The following SLCO5A1 variants were observed in gnomAD, a reference collection of about 807,000 sequenced individuals.
The protein encoded by SLCO5A1 is organic anion transporter polypeptide-related protein 4.
Under a neutral mutation model 65.1 loss-of-function variants are expected in SLCO5A1, and 39 were observed. The ratio of observed to expected loss-of-function variants is 0.60; its 90% CI spans 0.46 to 0.78. The LOEUF is 0.78. SLCO5A1 is among the 30% of genes least tolerant of loss of function. The pLI is 0.00. For missense variants in SLCO5A1, 1,029 were observed against 1,069.4 expected (o/e 0.96, Z 0.53); for synonymous variants, 438 against 415.7 (o/e 1.05, Z -0.65).
intron 2 of SLCO5A1, among the ~76,000 whole-genome samples, chr8:69,815,974 G>T (rs2130915280): frequency 6.6e-6 from 1 of 152,202 alleles, no homozygotes; most frequent in African/African-American, 2.4e-5. Flanking sequence ...CCTATCCCTT[G>T]CTTGTTAGAA....
chr8:69,679,860 A>T (rs766309700), intron 7 of SLCO5A1, among the ~76,000 whole-genome samples: 20 of 152,230 alleles, frequency 1.3e-4, no homozygotes, highest in Non-Finnish European at 2.6e-4. Flanking sequence ...GAAGCTTTCA[A>T]CATTCAATAC....
intron 2 of SLCO5A1, among the ~76,000 whole-genome samples, chr8:69,826,581 A>T (rs2130925724): frequency 6.6e-6 from 1 of 152,166 alleles, no homozygotes; most frequent in East Asian, 1.9e-4. Flanking sequence ...CCACAATGAG[A>T]TACCATCTCA....
At chr8:69,740,028 G>A (rs1334502705) in intron 4 of SLCO5A1, among the ~76,000 whole-genome samples, 5 of 152,118 alleles carry the variant, frequency 3.3e-5, no homozygotes, top group Admixed American at 3.3e-4. Context: ...TATATTGAAC[G>A]GGTTTTTCTT....
rs143109696 is a variant in SLCO5A1 at position 69,710,348 on chromosome 8, T to C, written c.1424-5119A>G. ...ATGGCCCTTTTACAGATGAGGAGAC[T>C]GAAGGCTCAGGGAAGTGGCCTGCTC... On this transcript the variant is annotated intron_variant, in intron 5 of 9. Transcript: ENST00000260126. 1.2e-3 allele frequency among the ~76,000 whole-genome samples: 187 copies of C among 152,168 alleles called. 1 individual carries two copies. Among genetic ancestry groups the C allele is most frequent in the African/African-American group, 4.4e-3 (181 of 41,514 alleles).
intron 2 of SLCO5A1, chr8:69,794,704 G>A (rs761372700): frequency 1.7e-5 from 5 of 299,630 alleles, no homozygotes; most frequent in South Asian, 3.4e-5. Flanking sequence ...GGTGCAGACT[G>A]CAGCCATACT....
In SLCO5A1 at chr8:69,709,288, G is replaced by A. The variant is rs74546214; in HGVS notation, c.1424-4059C>T. ...TACTGAGGAAAATAAACTAAAAAGG[G>A]AATGAATGGTTGAATGTGGAGGGGA... On this transcript the variant is annotated intron_variant, in intron 5 of 9. Transcript: ENST00000260126. Among the ~76,000 whole-genome samples, 588 of 152,282 alleles carry A rather than the reference G, an allele frequency of 3.9e-3. 4 individuals carry two copies. The highest frequency in any genetic ancestry group is 6.3e-3 in the Non-Finnish European group (429 of 68,020).
rs532251804 is a variant in SLCO5A1 at position 69,785,590 on chromosome 8, T to C, written c.908-23715A>G. On this transcript the variant is annotated intron_variant, in intron 2 of 9. Transcript: ENST00000260126. ...TATCTGAAATATAAGTTTAGTTAGT[T>C]TGCACTTTGAAGAAGCTGTCTGATC... 2.0e-5 allele frequency among the ~76,000 whole-genome samples: 3 copies of C among 152,326 alleles called. No homozygotes were observed. The South Asian group carries it at 6.2e-4, about 32-fold the overall frequency.
chr8:69,747,560 T>C (rs1817095488), intron 4 of SLCO5A1, among the ~76,000 whole-genome samples: 1 of 152,200 alleles, frequency 6.6e-6, no homozygotes, highest in Admixed American at 6.5e-5. Flanking sequence ...CAAGAGATGA[T>C]TTAAAGTATA....
At chr8:69,808,441 A>AGTTT (rs1820097937) in intron 2 of SLCO5A1, among the ~76,000 whole-genome samples, 1 of 152,114 alleles carries the variant, frequency 6.6e-6, no homozygotes, top group Non-Finnish European at 1.5e-5. Context: ...ATCCTGTGTT[A>AGTTT]GTTTGCTAAG....
At chr8:69,829,905 C>T (rs907366271) in intron 2 of SLCO5A1, among the ~76,000 whole-genome samples, 1 of 152,214 alleles carries the variant, frequency 6.6e-6, no homozygotes, top group Non-Finnish European at 1.5e-5. Context: ...TACATATATA[C>T]ACTCACACAC....
intron 2 of SLCO5A1, among the ~76,000 whole-genome samples, chr8:69,809,686 A>G (rs1480207281): frequency 6.6e-6 from 1 of 151,956 alleles, no homozygotes; most frequent in Non-Finnish European, 1.5e-5. Context: ...TATTATTATT[A>G]TGCTATCTTT....
chr8:69,678,582 G>T (rs963605470), intron 8 of SLCO5A1, among the ~76,000 whole-genome samples: 5 of 151,922 alleles, frequency 3.3e-5, no homozygotes, highest in African/African-American at 1.2e-4. Context: ...TTATTTCCAG[G>T]CCTTCTCCCT....
At chr8:69,762,001 C>A (rs1016452563) in intron 2 of SLCO5A1, 126 bp from the exon 3 acceptor site, 11 of 1,161,736 alleles carry the variant, frequency 9.5e-6, no homozygotes, top group African/African-American at 1.6e-5. Flanking sequence ...AAAACGGAGA[C>A]CTTTGGAGAT....
rs932221683 is a variant in SLCO5A1, at chr8:69,669,787, G to A, written c.*3082C>T. 4.7e-5 allele frequency: 7 copies of A among 149,602 alleles called. No homozygotes were observed. Among genetic ancestry groups the A allele is most frequent in the Non-Finnish European group, 8.9e-5 (6 of 67,734 alleles). The allele number at this position is 149,602 out of a possible 1,614,324, so 9.3% of individuals were successfully genotyped here. ...GCTGAGATTAAGCCACTGCACTCCA[G>A]CCTGGGTGACAGAGCAAGACTCTGT... On this transcript the variant is annotated 3_prime_UTR_variant, in exon 10 of 10. Coordinates refer to ENST00000260126, the MANE Select transcript of SLCO5A1 (RefSeq NM_030958.3).
intron 2 of SLCO5A1, among the ~76,000 whole-genome samples, chr8:69,813,898 C>T (rs1820308861): frequency 6.6e-6 from 1 of 152,164 alleles, no homozygotes; most frequent in Admixed American, 6.5e-5. Context: ...TGGTTAGATC[C>T]TCGGCTTTGG....
At chr8:69,693,427 A>G (rs906356302) in intron 6 of SLCO5A1, among the ~76,000 whole-genome samples, 3 of 152,218 alleles carry the variant, frequency 2.0e-5, no homozygotes, top group African/African-American at 7.2e-5. Context: ...GTCAGTCATT[A>G]AGTCTTTTCA....
intron 2 of SLCO5A1, among the ~76,000 whole-genome samples, chr8:69,791,392 C>G (rs1819260292): frequency 6.6e-6 from 1 of 152,146 alleles, no homozygotes; most frequent in Non-Finnish European, 1.5e-5. Context: ...ACTGTAAATC[C>G]AAGACATGGA....
rs1586662083 is a variant in SLCO5A1 at position 69,667,956 on chromosome 8, A to G, written c.*4913T>C. 3 of 152,248 alleles carry G rather than the reference A, an allele frequency of 2.0e-5. No homozygotes were observed. Among genetic ancestry groups the G allele is most frequent in the Admixed American group, 1.3e-4 (2 of 15,282 alleles). The allele number at this position is 152,248 out of a possible 1,614,324, so 9.4% of individuals were successfully genotyped here. A position where few individuals can be genotyped will look rare whatever the true frequency, so the allele number is the denominator to read the frequency against. ...CTTCAGATTTCCAAACACAAAGTAC[A>G]TGCAGCCACTTAGCAGTGAAATACT... On this transcript the variant is annotated 3_prime_UTR_variant, in exon 10 of 10. Coordinates refer to ENST00000260126, the MANE Select transcript of SLCO5A1 (RefSeq NM_030958.3).
chr8:69,727,448 A>G (rs1456901026), intron 5 of SLCO5A1, among the ~76,000 whole-genome samples: 1 of 152,212 alleles, frequency 6.6e-6, no homozygotes, highest in Non-Finnish European at 1.5e-5. Context: ...CATATTATAC[A>G]GTTCAATCTG....
Sources: gnomAD v4.1 joint callset for allele counts (sites outside exome capture counted in the v4.1 genomes callset) on GRCh38, gnomAD v4.1.1 for gene constraint, MANE v1.5 for transcripts, NCBI Gene and HGNC (gene_info 2026-07-23, HGNC 2026-07-21) for gene names.